LOXL2: variants seen among roughly 807,000 people sequenced by gnomAD.
LOXL2 encodes the protein lysyl oxidase homolog 2.
LOXL2 carries 70 observed loss-of-function variants against 93.0 expected under a neutral mutation model. That is an observed-to-expected ratio of 0.75 (90% CI 0.62 to 0.92). The LOEUF is 0.92. Ranked by LOEUF, LOXL2 falls within the 40% of genes least tolerant of loss-of-function variation. LOXL2 has a pLI of 0.00. For missense variants in LOXL2, 973 were observed against 1,054.9 expected, an observed-to-expected ratio of 0.92 and a Z score of 1.08; for synonymous variants, 438 against 413.2, an observed-to-expected ratio of 1.06 and a Z score of -0.73.
intron 3 of LOXL2, among the ~76,000 whole-genome samples, chr8:23,349,020 G>A (rs537093228): frequency 2.0e-5 from 3 of 152,114 alleles, no homozygotes; most frequent in South Asian, 4.2e-4. Flanking sequence ...TCTTTTCATC[G>A]AGTCATTGAG....
At position 23,376,388 on chromosome 8, in the gene LOXL2, G is replaced by A. The variant is rs1585377735; in HGVS notation, c.-83-7954C>T. Reference sequence around the variant, plus strand: ...GCATCGATATTCATCAGGGATATTGGTCTAAAATTCTCTTTTTTTGTTGTG... The same window carrying A: ...GCATCGATATTCATCAGGGATATTGATCTAAAATTCTCTTTTTTTGTTGTG... On this transcript the variant is annotated intron_variant, in intron 1 of 13. Transcript: ENST00000389131. Among the ~76,000 whole-genome samples the A allele has an allele frequency of 2.6e-5, 4 of 152,292 alleles. No individual in the cohort carries two copies. In the South Asian group the frequency reaches 8.3e-4, roughly 32 times the overall value.
chr8:23,330,932 A>T (rs972307153), intron 5 of LOXL2, among the ~76,000 whole-genome samples: 18 of 152,062 alleles, frequency 1.2e-4, no homozygotes, highest in African/African-American at 4.3e-4. Context: ...GAGGGGACTG[A>T]GGAGGCAGGG....
At chr8:23,371,058 G>T (rs1168845612) in intron 1 of LOXL2, 1 of 152,178 alleles carries the variant, frequency 6.6e-6, no homozygotes, top group African/African-American at 2.4e-5. Flanking sequence ...TTAAACACAG[G>T]GTAGAGGAGC....
intron 9 of LOXL2, among the ~76,000 whole-genome samples, chr8:23,313,377 C>T (rs1803346589): frequency 6.6e-6 from 1 of 152,086 alleles, no homozygotes. Flanking sequence ...GGAGGCATCA[C>T]ACTACCTGAC....
Position 23,322,234 on chromosome 8 carries a change from T to A in LOXL2, c.1198A>T (p.Lys400Ter). The part of the protein sequence containing the change: ...LNEIQCTGNE[K>*]SIIDCKFNAE... ...TTGAACTTGCAGTCTATAATGGACTTCTCATTGCCTGTGCACTGGATCTCG... is the reference window on the plus strand; with the variant it reads ...TTGAACTTGCAGTCTATAATGGACTACTCATTGCCTGTGCACTGGATCTCG... The change falls in exon 7 of 14, where the codon AAG (lysine) becomes TAG (stop). Residue 400 changes from lysine (K) to a stop codon, truncating the protein, a stop_gained. Coordinates refer to ENST00000389131, the MANE Select transcript of LOXL2 (RefSeq NM_002318.3). LOFTEE classifies it high-confidence loss of function. 1 of 1,614,182 alleles carries A rather than the reference T, an allele frequency of 6.2e-7. No individual in the cohort carries two copies. The highest frequency in any genetic ancestry group is 8.5e-7 in the Non-Finnish European group (1 of 1,180,016).
chr8:23,340,921 G>A (rs1361767426), intron 4 of LOXL2, 71 bp downstream of exon 4: 2 of 1,378,404 alleles, frequency 1.5e-6, no homozygotes, highest in African/African-American at 1.4e-5. Flanking sequence ...CCACCACCAG[G>A]GCGGACACTT....
chr8:23,331,540 C>G (rs1585353183), intron 5 of LOXL2: 1 of 152,382 alleles, frequency 6.6e-6, no homozygotes, highest in East Asian at 1.9e-4. Context: ...CTTCTCCTAT[C>G]CCTCCCTCTC....
At chr8:23,381,669 C>T (rs974869793) in intron 1 of LOXL2, among the ~76,000 whole-genome samples, 1 of 152,122 alleles carries the variant, frequency 6.6e-6, no homozygotes, top group Non-Finnish European at 1.5e-5. Flanking sequence ...CTGAGCTTTT[C>T]CCTTGTTGCT....
chr8:23,393,857 CTCTTT>C (rs1198032734), intron 1 of LOXL2, among the ~76,000 whole-genome samples: 2 of 152,154 alleles, frequency 1.3e-5, no homozygotes, highest in African/African-American at 4.8e-5. Context: ...ATGTCTGTTT[CTCTTT>C]TAAGCTGGTG....
At chr8:23,306,826 A>G (rs1393696048) in intron 10 of LOXL2, among the ~76,000 whole-genome samples, 1 of 152,260 alleles carries the variant, frequency 6.6e-6, no homozygotes, top group East Asian at 1.9e-4. Context: ...AGAGCGTGGC[A>G]CATCGTGCCA....
In LOXL2 at chr8:23,322,312, A is replaced by G. The variant is rs751051285; in HGVS notation, c.1151-31T>C. The G allele has an allele frequency of 5.0e-6, 8 of 1,598,510 alleles. 1 individual carries two copies. Among genetic ancestry groups the G allele is most frequent in the South Asian group, 4.5e-5 (4 of 89,736 alleles). On this transcript the variant is annotated intron_variant, in intron 6 of 13. Coordinates refer to ENST00000389131, the MANE Select transcript of LOXL2 (RefSeq NM_002318.3). ...AGGGGAGAATAAACATGCTCTATGA[A>G]AGCTTTGGAAGGAAACTTTCTGGAG...
intron 12 of LOXL2, among the ~76,000 whole-genome samples, chr8:23,299,644 A>G (rs758846462): frequency 3.9e-5 from 6 of 152,132 alleles, no homozygotes; most frequent in Non-Finnish European, 8.8e-5. Context: ...AGAAAAGAGA[A>G]AGGGAGGGAG....
chr8:23,297,814 C>T lies in LOXL2; in HGVS notation c.*229G>A. ...CTGCTCCAGCAGCTCTGTGGACAAA[C>T]CCCACCCCCGCAAGGCCTTCTCAGG... is the stretch of plus-strand genomic sequence containing the variant. On this transcript the variant is annotated 3_prime_UTR_variant, in exon 14 of 14. Transcript: ENST00000389131. 1 of 504,788 alleles carries T rather than the reference C, an allele frequency of 2.0e-6. No homozygotes were observed. The highest frequency in any genetic ancestry group is 2.7e-5 in the South Asian group (1 of 36,758). The allele number at this position is 504,788 out of a possible 1,614,324, so 31.3% of individuals were successfully genotyped here.
intron 1 of LOXL2, among the ~76,000 whole-genome samples, chr8:23,391,161 G>C (rs1018261301): frequency 2.0e-5 from 3 of 152,142 alleles, no homozygotes; most frequent in Non-Finnish European, 4.4e-5. Context: ...TACAATTTAA[G>C]ATAAGATTTG....
chr8:23,378,357 C>A (rs1401235095), intron 1 of LOXL2, among the ~76,000 whole-genome samples: 2 of 152,166 alleles, frequency 1.3e-5, no homozygotes, highest in Non-Finnish European at 2.9e-5. Flanking sequence ...ACCTTTCTCT[C>A]TGGCTGTCCT....
At chr8:23,391,244 A>C (rs973371271) in intron 1 of LOXL2, among the ~76,000 whole-genome samples, 1 of 152,186 alleles carries the variant, frequency 6.6e-6, no homozygotes, top group Non-Finnish European at 1.5e-5. Flanking sequence ...CTTAACAAAC[A>C]AACAACAACA....
rs758337567 is a variant in LOXL2 at position 23,302,176 on chromosome 8, T to G, written c.1997-13A>C. 10 of 1,613,806 alleles carry G rather than the reference T, an allele frequency of 6.2e-6. No individual in the cohort carries two copies. In the East Asian group the frequency reaches 1.8e-4, roughly 29 times the overall value. Reference sequence around the variant, plus strand: ...TTCTTCTGGATGTCTGCGGGCAGGGTAGAGGAGAGCTCATCACCAGGGAAC... The same window carrying G: ...TTCTTCTGGATGTCTGCGGGCAGGGGAGAGGAGAGCTCATCACCAGGGAAC... On this transcript the variant is annotated splice_polypyrimidine_tract_variant and intron_variant, in intron 11 of 13. Transcript: ENST00000389131.
At chr8:23,377,519 G>A (rs1483873844) in intron 1 of LOXL2, among the ~76,000 whole-genome samples, 1 of 138,388 alleles carries the variant, frequency 7.2e-6, no homozygotes, top group African/African-American at 2.7e-5. Flanking sequence ...TCACTGATCT[G>A]TCTAATGTTG....
chr8:23,335,863 C>G (rs1054939005), intron 4 of LOXL2, among the ~76,000 whole-genome samples: 1 of 152,214 alleles, frequency 6.6e-6, no homozygotes, highest in African/African-American at 2.4e-5. Flanking sequence ...CTCTCCTTAA[C>G]CCAAATCTGA....
Sources: gnomAD v4.1 joint callset for allele counts (sites outside exome capture counted in the v4.1 genomes callset) on GRCh38, gnomAD v4.1.1 for gene constraint, MANE v1.5 for transcripts, NCBI Gene and HGNC (gene_info 2026-07-23, HGNC 2026-07-21) for gene names.